PLEKHA4: variants seen among roughly 807,000 people sequenced by gnomAD.
PLEKHA4 encodes the protein pleckstrin homology domain-containing family A member 4.
PLEKHA4 carries 73 observed loss-of-function variants against 94.7 expected under a neutral mutation model. That is an observed-to-expected ratio of 0.77 (90% CI 0.64 to 0.94). The LOEUF is 0.94. Ranked by LOEUF, PLEKHA4 falls within the 40% of genes least tolerant of loss-of-function variation. PLEKHA4 has a pLI of 0.00. For missense variants in PLEKHA4, 1,049 were observed against 1,054.1 expected, an observed-to-expected ratio of 1.00 and a Z score of 0.07; for synonymous variants, 449 against 437.1, an observed-to-expected ratio of 1.03 and a Z score of -0.34.
Position 48,856,111 on chromosome 19 carries a change from C to T in PLEKHA4, c.1047+1311G>A, listed in dbSNP as rs1407776361. ...CGCTTGAACCCAGGAGGGGAGGTTG[C>T]GGTGAGCCGAGATCACGCCATTGCA... On this transcript the variant is annotated intron_variant, in intron 9 of 19. Transcript: ENST00000263265. Among the ~76,000 whole-genome samples, 9 of 148,098 alleles carry T rather than the reference C, an allele frequency of 6.1e-5. No homozygotes were observed. The East Asian group carries it at 1.2e-3, about 20-fold the overall frequency.
chr19:48,847,262 TC>T lies in PLEKHA4; in HGVS notation c.1566+637del, dbSNP rs1027272568. Among the ~76,000 whole-genome samples the T allele has an allele frequency of 4.0e-3, 602 of 151,994 alleles. 3 individuals are homozygous for T. Among genetic ancestry groups the T allele is most frequent in the African/African-American group, 0.013 (555 of 41,456 alleles). ...CTTGGCAGCAAAGTGAGGTTCCATC[TC>T]CACAATAAACAAACAACCAAAAATT... On this transcript the variant is annotated intron_variant, in intron 14 of 19. Coordinates refer to ENST00000263265, the MANE Select transcript of PLEKHA4 (RefSeq NM_020904.3).
chr19:48,845,559 G>A lies in PLEKHA4; in HGVS notation c.1624C>T (p.Arg542Trp), dbSNP rs745920733. 1.1e-4 allele frequency: 177 copies of A among 1,610,624 alleles called. No homozygotes were observed. Among genetic ancestry groups the A allele is most frequent in the South Asian group, 2.1e-4 (19 of 90,878 alleles). The change falls in exon 15 of 20, where the codon CGG becomes TGG. Residue 542 changes from arginine (R) to tryptophan (W), a missense_variant. Coordinates refer to ENST00000263265, the MANE Select transcript of PLEKHA4 (RefSeq NM_020904.3). The stretch of plus-strand genomic sequence containing the variant: ...AGGTCTTTGTCGCCTCCAGGAGGCC[G>A]CCCCCAGTCAGTCTCGGGGGACCTA... ...SPRSPETDWG[R>W]PPGGDKDLAS... is the part of the protein sequence containing the mutation.
chr19:48,866,058 G>A (rs879170618), intron 2 of PLEKHA4, among the ~76,000 whole-genome samples: 1 of 151,724 alleles, frequency 6.6e-6, no homozygotes, highest in Admixed American at 6.6e-5. Flanking sequence ...CAAGGTGGGG[G>A]CTGAAGTTGG....
Position 48,860,414 on chromosome 19 carries a change from A to G in PLEKHA4, c.412T>C (p.Leu138=). ...CGTAGCCAGCCCCGCAGGTCTTCTA[A>G]GGTGTCAGCGGCCAAAACGTAGGTC... ...MRTYVLAADT[L]EDLRGWLRAL... Residue 138 remains leucine, a synonymous_variant, in exon 6 of 20, where the codon TTA becomes CTA. Transcript: ENST00000263265. 1.2e-6 allele frequency: 2 copies of G among 1,614,132 alleles called. No individual in the cohort carries two copies. The highest frequency in any genetic ancestry group is 2.7e-5 in the African/African-American group (2 of 75,056).
chr19:48,841,413 G>A (rs2035763915), intron 16 of PLEKHA4, 103 bp from the exon 17 acceptor site: 1 of 1,277,384 alleles, frequency 7.8e-7, no homozygotes, highest in Admixed American at 3.0e-5. Flanking sequence ...GATCACTTGA[G>A]GTCAGGAGTT....
Position 48,867,042 on chromosome 19 carries a change from T to C in PLEKHA4, c.84+495A>G, listed in dbSNP as rs570771488. Among the ~76,000 whole-genome samples, 61 of 151,990 alleles carry C rather than the reference T, an allele frequency of 4.0e-4. 1 individual carries two copies. The highest frequency in any genetic ancestry group is 8.4e-4 in the Non-Finnish European group (57 of 68,002). ...TCTGGGCTCTGAACTTGAGAAACAA[T>C]ATGTGTGGAACGGCAGGAGGAAAAA... On this transcript the variant is annotated intron_variant, in intron 2 of 19. Transcript: ENST00000263265. The surrounding 1 kb of genome is among the most constrained non-coding windows in gnomAD (Gnocchi z 4.7).
In PLEKHA4 at chr19:48,868,540, T is replaced by C. The variant is rs2036909647; in HGVS notation, c.-464A>G. ...TCCTCTTTCTCTCTGGCTCTGCCGT[T>C]TCCTCCCTTTTCTCTTTCCGATTTC... On this transcript the variant is annotated 5_prime_UTR_variant, in exon 1 of 20. Coordinates refer to ENST00000263265, the MANE Select transcript of PLEKHA4 (RefSeq NM_020904.3). 6.6e-6 allele frequency: 1 copy of C among 152,512 alleles called. No individual in the cohort carries two copies. The allele number at this position is 152,512 out of a possible 1,614,324, so 9.4% of individuals were successfully genotyped here.
chr19:48,846,032 T>C (rs1171654285), intron 14 of PLEKHA4, among the ~76,000 whole-genome samples: 4 of 142,278 alleles, frequency 2.8e-5, no homozygotes, highest in Non-Finnish European at 4.6e-5. Flanking sequence ...AAAAAAAGAC[T>C]ATAAACCAGA....
chr19:48,844,811 T>G (rs2035905173), intron 16 of PLEKHA4, among the ~76,000 whole-genome samples: 2 of 145,390 alleles, frequency 1.4e-5, no homozygotes, highest in African/African-American at 5.2e-5. Context: ...TGTCTTTTTT[T>G]TTTTTTTTTT....
chr19:48,846,684 C>T (rs2035982819), intron 14 of PLEKHA4, among the ~76,000 whole-genome samples: 1 of 152,060 alleles, frequency 6.6e-6, no homozygotes, highest in Non-Finnish European at 1.5e-5. Flanking sequence ...GAGAGAATCA[C>T]TTAAGCCCCA....
At position 48,837,917 on chromosome 19, in the gene PLEKHA4, C is replaced by A; in HGVS notation, c.2077+100G>T. 2.1e-6 allele frequency: 2 copies of A among 966,430 alleles called. No homozygotes were observed. The highest frequency in any genetic ancestry group is 3.0e-5 in the South Asian group (2 of 65,622). The allele number at this position is 966,430 out of a possible 1,614,324, so 59.9% of individuals were successfully genotyped here. ...TCTTTACTCACCAAGATAAAAAATTCTCACCGGCCCCCAGACCCCTCCTCT... is the reference window on the plus strand; with the variant it reads ...TCTTTACTCACCAAGATAAAAAATTATCACCGGCCCCCAGACCCCTCCTCT... On this transcript the variant is annotated intron_variant, in intron 19 of 19. Coordinates refer to ENST00000263265, the MANE Select transcript of PLEKHA4 (RefSeq NM_020904.3). The surrounding 1 kb of genome is among the most constrained non-coding windows in gnomAD (Gnocchi z 4.3).
At chr19:48,841,115 C>A (rs200543926) in intron 17 of PLEKHA4, 34 bp downstream of exon 17, 127 of 1,589,726 alleles carry the variant, frequency 8.0e-5, no homozygotes, top group Non-Finnish European at 1.0e-4. Flanking sequence ...CCTACTACCA[C>A]CCCACCGCCC....
rs554203920 is a variant in PLEKHA4, at chr19:48,866,477, T to G, written c.85-867A>C. On this transcript the variant is annotated intron_variant, in intron 2 of 19. Coordinates refer to ENST00000263265, the MANE Select transcript of PLEKHA4 (RefSeq NM_020904.3). ...ACGTGCCACCACGCCTGGCTAATTT[T>G]TGTATTTTTAGCAGAGACGCGGTTT... Among the ~76,000 whole-genome samples, 25 of 152,192 alleles carry G rather than the reference T, an allele frequency of 1.6e-4. 1 individual carries two copies. In the South Asian group the frequency reaches 4.8e-3, roughly 29 times the overall value.
At position 48,860,374 on chromosome 19, in the gene PLEKHA4, G is replaced by A. The variant is rs748696221; in HGVS notation, c.452C>T (p.Ala151Val). 3.7e-6 allele frequency: 6 copies of A among 1,613,910 alleles called. No individual in the cohort carries two copies. Among genetic ancestry groups the A allele is most frequent in the Non-Finnish European group, 5.1e-6 (6 of 1,179,980 alleles). ...CTAGTCGTCCCCCTCCGCACGGGAG[G>A]CCCGGCCCAGCGCCCGTAGCCAGCC... ...LRGWLRALGRASRAEGDDYGQ... is the reference protein window; with the variant it reads ...LRGWLRALGRVSRAEGDDYGQ... Residue 151 changes from alanine to valine, a missense_variant, in exon 6 of 20, where the codon GCC becomes GTC. By Grantham distance (64) the Ala-to-Val change is moderately conservative. Coordinates refer to ENST00000263265, the MANE Select transcript of PLEKHA4 (RefSeq NM_020904.3).
intron 13 of PLEKHA4, among the ~76,000 whole-genome samples, 196 bp downstream of exon 13, chr19:48,852,032 T>C (rs2036212314): frequency 6.6e-6 from 1 of 151,968 alleles, no homozygotes. Flanking sequence ...AAAATTTTAA[T>C]GAGAGAATTT....
rs17272658 is a variant in PLEKHA4, at chr19:48,852,148, C to G, written c.1425+80G>C. ...CTGGGCGGGGCCTCGATTCTGTGGG[C>G]GAAGATTAAATGCTAAAAGGATTTC... is the stretch of plus-strand genomic sequence containing the variant. On this transcript the variant is annotated intron_variant, in intron 13 of 19. Transcript: ENST00000263265. The G allele has an allele frequency of 3.6e-6, 4 of 1,125,944 alleles. No individual in the cohort carries two copies. In the South Asian group the frequency reaches 3.8e-5, roughly 11 times the overall value. The allele number at this position is 1,125,944 out of a possible 1,614,324, so 69.7% of individuals were successfully genotyped here. A position where few individuals can be genotyped will look rare whatever the true frequency, so the allele number is the denominator to read the frequency against.
chr19:48,845,092 A>ATCTTGATGTCAGC, intron 16 of PLEKHA4: 1 of 312,214 alleles, frequency 3.2e-6, no homozygotes, highest in African/African-American at 2.1e-5. Context: ...GGCCTCATTC[A>ATCTTGATGTCAGC]TCTAGTTTTC....
chr19:48,859,452 A>G lies in PLEKHA4; in HGVS notation c.692+17T>C, dbSNP rs760190038. 3 of 1,612,380 alleles carry G rather than the reference A, an allele frequency of 1.9e-6. No homozygotes were observed. The highest frequency in any genetic ancestry group is 2.5e-6 in the Non-Finnish European group (3 of 1,179,440). On this transcript the variant is annotated intron_variant, in intron 7 of 19. Coordinates refer to ENST00000263265, the MANE Select transcript of PLEKHA4 (RefSeq NM_020904.3). Reference sequence around the variant, plus strand: ...CTTCTCTTAGGCCACGCCCACAACCATGTCCTCCCTACTCACTCGGGGCTC... The same window carrying G: ...CTTCTCTTAGGCCACGCCCACAACCGTGTCCTCCCTACTCACTCGGGGCTC...
intron 13 of PLEKHA4, among the ~76,000 whole-genome samples, chr19:48,850,272 G>A (rs12977257): frequency 0.12 from 18,493 of 151,832 alleles, 1,284 homozygotes; most frequent in South Asian, 0.2. Flanking sequence ...TTGGGAGGCC[G>A]AGGCGGGTGG....
Sources: gnomAD v4.1 joint callset for allele counts (sites outside exome capture counted in the v4.1 genomes callset) on GRCh38, gnomAD v4.1.1 for gene constraint, Gnocchi (gnomAD v3.1) non-coding constraint, MANE v1.5 for transcripts, NCBI Gene and HGNC (gene_info 2026-07-23, HGNC 2026-07-21) for gene names.